GRID2: variants seen among roughly 807,000 people sequenced by gnomAD.
GRID2 encodes glutamate ionotropic receptor delta type subunit 2.
In GRID2, 33 loss-of-function variants were observed where a neutral mutation model predicts 114.8. The observed-to-expected ratio is 0.29, with a 90% CI of 0.22 to 0.38. The LOEUF (loss-of-function observed/expected upper bound fraction) is 0.38, where lower values mean the gene tolerates loss of function less well. Among genes scored for constraint, GRID2 ranks in the 10% least tolerant of loss-of-function variants. GRID2 has a pLI of 1.00. For missense variants in GRID2, 1,184 were observed against 1,257.7 expected, an observed-to-expected ratio of 0.94 and a Z score of 0.89; for synonymous variants, 505 against 449.9, an observed-to-expected ratio of 1.12 and a Z score of -1.55.
At chr4:93,633,766 C>T (rs1108561) in intron 14 of GRID2, among the ~76,000 whole-genome samples, 41,335 of 151,992 alleles carry the variant, frequency 0.27, 6,024 homozygotes, top group East Asian at 0.59. Flanking sequence ...CAACTCCCTG[C>T]TGTAATAATT....
chr4:92,482,760 A>C (rs1722676876), intron 1 of GRID2, among the ~76,000 whole-genome samples: 1 of 152,092 alleles, frequency 6.6e-6, no homozygotes, highest in Non-Finnish European at 1.5e-5. Context: ...TAACTTAAAA[A>C]CTCTAACGGA....
intron 4 of GRID2, among the ~76,000 whole-genome samples, chr4:93,155,075 G>C (rs1361057250): frequency 6.6e-6 from 1 of 151,762 alleles, no homozygotes; most frequent in African/African-American, 2.4e-5. Flanking sequence ...GTTAGGATTC[G>C]GCTCTCTCAA....
chr4:92,675,707 C>A (rs114660433), intron 2 of GRID2, among the ~76,000 whole-genome samples: 1 of 151,920 alleles, frequency 6.6e-6, no homozygotes, highest in Admixed American at 6.6e-5. Context: ...TCCGCCACGA[C>A]GCCTGGCTAA....
Position 93,566,859 on chromosome 4 carries a change from C to T in GRID2, c.2193+51448C>T, listed in dbSNP as rs145068349. Among the ~76,000 whole-genome samples the T allele has an allele frequency of 4.5e-4, 68 of 152,138 alleles. 1 individual carries two copies. In the East Asian group the frequency reaches 0.012, roughly 27 times the overall value. On this transcript the variant is annotated intron_variant, in intron 13 of 15. Transcript: ENST00000282020. ...TTTATATATGCATTATATATTAACA[C>T]ACCTGACTCTTTAAAAGTTTAATAC...
chr4:92,730,233 A>G (rs1474830242), intron 2 of GRID2, among the ~76,000 whole-genome samples: 1 of 151,898 alleles, frequency 6.6e-6, no homozygotes, highest in Non-Finnish European at 1.5e-5. Flanking sequence ...CATATTGTCT[A>G]TTGATTATAA....
At chr4:92,883,365 T>C (rs1746150202) in intron 2 of GRID2, among the ~76,000 whole-genome samples, 1 of 152,186 alleles carries the variant, frequency 6.6e-6, no homozygotes. Context: ...ACTGAAGTCT[T>C]GAACTTCTCA....
intron 5 of GRID2, among the ~76,000 whole-genome samples, chr4:93,210,256 T>C (rs1272695052): frequency 6.6e-6 from 1 of 152,130 alleles, no homozygotes; most frequent in East Asian, 1.9e-4. Flanking sequence ...GTGTTAATTT[T>C]TGTATATGGT....
chr4:92,770,982 C>T (rs1030911964), intron 2 of GRID2, among the ~76,000 whole-genome samples: 5 of 151,656 alleles, frequency 3.3e-5, no homozygotes, highest in African/African-American at 7.2e-5. Context: ...GTACTTCTGA[C>T]AGATGGCTCA....
intron 2 of GRID2, among the ~76,000 whole-genome samples, chr4:93,010,254 A>G (rs2149229996): frequency 6.6e-6 from 1 of 152,128 alleles, no homozygotes; most frequent in African/African-American, 2.4e-5. Context: ...CACCATCTTT[A>G]CCTACATTTT....
At chr4:93,509,777 T>G (rs184399305) in intron 12 of GRID2, among the ~76,000 whole-genome samples, 1 of 152,198 alleles carries the variant, frequency 6.6e-6, no homozygotes, top group East Asian at 1.9e-4. Flanking sequence ...TTTGACTTGC[T>G]TCTTGGGTCT....
intron 8 of GRID2, among the ~76,000 whole-genome samples, chr4:93,376,656 C>A (rs574152847): frequency 1.3e-5 from 2 of 152,260 alleles, no homozygotes; most frequent in African/African-American, 4.8e-5. Context: ...GGAATGAGAT[C>A]ATGTCCTTTT....
intron 1 of GRID2, among the ~76,000 whole-genome samples, chr4:92,514,154 C>T (rs1406138804): frequency 6.6e-6 from 1 of 151,752 alleles, no homozygotes; most frequent in African/African-American, 2.4e-5. Flanking sequence ...TCTGTTTTAC[C>T]CATAACAGCC....
chr4:92,582,851 G>T (rs62310103), intron 1 of GRID2, among the ~76,000 whole-genome samples: 56,922 of 151,244 alleles, frequency 0.38, 10,709 homozygotes, highest in Middle Eastern at 0.46. Flanking sequence ...GCCAAGCTTG[G>T]TTGCATGCCC....
At chr4:93,330,559 A>AC (rs1758315138) in intron 8 of GRID2, among the ~76,000 whole-genome samples, 2 of 152,192 alleles carry the variant, frequency 1.3e-5, no homozygotes, top group Non-Finnish European at 2.9e-5. Flanking sequence ...ATGCCAGCTT[A>AC]TTATAAATAT....
intron 13 of GRID2, among the ~76,000 whole-genome samples, chr4:93,517,942 TACATAC>T (rs1560705978): frequency 3.4e-4 from 13 of 38,648 alleles, no homozygotes; most frequent in African/African-American, 1.2e-3. Flanking sequence ...TGTATGTATA[TACATAC>T]ATGTATATGT....
At chr4:92,908,009 G>A (rs1748090267) in intron 2 of GRID2, among the ~76,000 whole-genome samples, 1 of 151,938 alleles carries the variant, frequency 6.6e-6, no homozygotes, top group Non-Finnish European at 1.5e-5. Flanking sequence ...GGCAACAAGA[G>A]GGAAACTCCA....
chr4:93,566,988 G>A (rs73839595), intron 13 of GRID2, among the ~76,000 whole-genome samples: 7,507 of 152,118 alleles, frequency 0.049, 613 homozygotes, highest in African/African-American at 0.17. Flanking sequence ...GTAAGGGGTG[G>A]TCAGCAGAGC....
chr4:93,496,094 A>C (rs1905719), intron 12 of GRID2, among the ~76,000 whole-genome samples: 1 of 149,970 alleles, frequency 6.7e-6, no homozygotes, highest in East Asian at 2.0e-4. Context: ...TTTTTATTCC[A>C]TTTGAATGCA....
intron 2 of GRID2, among the ~76,000 whole-genome samples, chr4:92,738,048 C>T (rs1736687515): frequency 6.6e-6 from 1 of 152,102 alleles, no homozygotes. Context: ...AAGTTTTTTG[C>T]ACATATTGCA....
Sources: gnomAD v4.1 joint callset for allele counts (sites outside exome capture counted in the v4.1 genomes callset) on GRCh38, gnomAD v4.1.1 for gene constraint, MANE v1.5 for transcripts, NCBI Gene and HGNC (gene_info 2026-07-23, HGNC 2026-07-21) for gene names.